The following CUL9 variants were observed in gnomAD, a reference collection of about 807,000 sequenced individuals.
CUL9 encodes the protein cullin-9.
In CUL9, 79 loss-of-function variants were observed where a neutral mutation model predicts 272.6. The ratio of observed to expected loss-of-function variants is 0.29; its 90% CI spans 0.24 to 0.35. The LOEUF (loss-of-function observed/expected upper bound fraction) is 0.35. CUL9 is among the 10% of genes least tolerant of loss of function. The probability of loss-of-function intolerance (pLI) is 1.00; values close to 1 mark genes in which losing one functional copy is unlikely to be tolerated. For synonymous variants in CUL9, 1,186 were observed against 1,286.5 expected (o/e 0.92, Z 1.67); for missense variants, 2,532 against 3,255.6 (o/e 0.78, Z 5.41).
chr6:43,196,377 G>C (rs776561401), intron 10 of CUL9, 112 bp downstream of exon 10: 12 of 1,104,542 alleles, frequency 1.1e-5, no homozygotes, highest in Admixed American at 2.5e-5. Flanking sequence ...GTCACCTCCG[G>C]ATTAAGCATT....
intron 26 of CUL9, among the ~76,000 whole-genome samples, chr6:43,208,745 A>G (rs1775232404): frequency 6.6e-6 from 1 of 152,034 alleles, no homozygotes; most frequent in African/African-American, 2.4e-5. Flanking sequence ...GCATGGAGAG[A>G]AGTTCTTAAT....
chr6:43,221,542 C>A lies in CUL9; in HGVS notation c.6753-143C>A. 3.4e-6 allele frequency: 3 copies of A among 883,486 alleles called. No homozygotes were observed. Among genetic ancestry groups the A allele is most frequent in the Non-Finnish European group, 5.2e-6 (3 of 581,392 alleles). 54.7% of individuals were successfully genotyped at this position (883,486 alleles called of 1,614,324 possible). A position where few individuals can be genotyped will look rare whatever the true frequency, so the allele number is the denominator to read the frequency against. ...GGGAGTTCAAAAGCAGAGGTGCATT[C>A]AGCAGGGCTGGGTATGACTAAGGAG... On this transcript the variant is annotated intron_variant, in intron 34 of 40. Coordinates refer to ENST00000252050, the MANE Select transcript of CUL9 (RefSeq NM_015089.4). The surrounding 1 kb of genome is among the most constrained non-coding windows in gnomAD (Gnocchi z 4.2).
chr6:43,191,481 ATTTTTTTTT>A (rs34090146), intron 8 of CUL9, among the ~76,000 whole-genome samples: 3 of 97,454 alleles, frequency 3.1e-5, no homozygotes, highest in African/African-American at 1.5e-4. Flanking sequence ...CACCCAGCTA[ATTTTTTTTT>A]TTTTTTTTTT....
At position 43,203,573 on chromosome 6, in the gene CUL9, C is replaced by T. The variant is rs1159816753; in HGVS notation, c.4006C>T (p.Leu1336Phe). 1 of 1,613,312 alleles carries T rather than the reference C, an allele frequency of 6.2e-7. No homozygotes were observed. Among genetic ancestry groups the T allele is most frequent in the Non-Finnish European group, 8.5e-7 (1 of 1,179,990 alleles). ...GGACATAGCAGAGGACCACCGGCGC[C>T]TCCTCCAGCTCTGTCCCAGGTGGGT... ...SRDIAEDHRR[L>F]LQLCPRLNRV... The change falls in exon 19 of 41, where the codon CTC becomes TTC. Residue 1336 changes from leucine to phenylalanine, a missense_variant. By Grantham distance (22) the Leu-to-Phe change is conservative (BLOSUM62 0). Transcript: ENST00000252050. This position sits in a 1 kb window ranked among gnomAD's most constrained non-coding sequence, Gnocchi z 5.0.
chr6:43,205,957 G>A (rs757845011), intron 24 of CUL9, 50 bp from the exon 25 acceptor site: 1 of 1,556,812 alleles, frequency 6.4e-7, no homozygotes, highest in Non-Finnish European at 8.8e-7. Flanking sequence ...GGGAGGCTGG[G>A]CCACGCTGGC....
Position 43,185,493 on chromosome 6 carries a change from A to G in CUL9, c.633A>G (p.Gln211=), listed in dbSNP as rs372176723. 1.2e-6 allele frequency: 2 copies of G among 1,614,024 alleles called. No homozygotes were observed. Among genetic ancestry groups the G allele is most frequent in the African/African-American group, 1.3e-5 (1 of 75,042 alleles). The change falls in exon 3 of 41, where the codon CAA becomes CAG. Residue 211 remains glutamine (Q), a synonymous_variant. Coordinates refer to ENST00000252050, the MANE Select transcript of CUL9 (RefSeq NM_015089.4). ...RAHVLLSLSQ[Q]DGIEQHMDFD... ...ACGTCCTTCTATCACTGAGCCAGCA[A>G]GATGGCATCGAGCAGCACATGGATT...
In CUL9 at chr6:43,205,079, C is replaced by T. The variant is rs773622134; in HGVS notation, c.4596C>T (p.Gly1532=). The T allele has an allele frequency of 4.8e-5, 77 of 1,602,494 alleles. 1 individual carries two copies. The South Asian group carries it at 6.3e-4, about 13-fold the overall frequency. ...FMLALRSGFS[G]ALLQQSFLTA... ...TGGCTCTGCGCAGTGGCTTCTCTGG[C>T]GCCTTGCTGCAGCAGTCCTTCCTCA... The change falls in exon 23 of 41, where the codon GGC becomes GGT. Residue 1532 remains glycine, a synonymous_variant. Coordinates refer to ENST00000252050, the MANE Select transcript of CUL9 (RefSeq NM_015089.4).
rs1302883534 is a variant in CUL9, at chr6:43,185,500, A to G, written c.640A>G (p.Ile214Val). 4 of 1,613,936 alleles carry G rather than the reference A, an allele frequency of 2.5e-6. No individual in the cohort carries two copies. In the Admixed American group the frequency reaches 5.0e-5, roughly 20 times the overall value. Residue 214 changes from isoleucine to valine, a missense_variant, in exon 3 of 41, where the codon ATC becomes GTC. Physicochemically the swap from Ile to Val is conservative, Grantham distance 29 (BLOSUM62 3). Around this residue, in one of 3 missense-constraint regions of CUL9, gnomAD observed 2,218 missense variants for 2,788.6 expected, o/e 0.80. Transcript: ENST00000252050. Reference protein sequence around the residue: ...VLLSLSQQDGIEQHMDFDSRY... With the variant: ...VLLSLSQQDGVEQHMDFDSRY... Reference sequence around the variant, plus strand: ...TCTATCACTGAGCCAGCAAGATGGCATCGAGCAGCACATGGATTTTGACAG... The same window carrying G: ...TCTATCACTGAGCCAGCAAGATGGCGTCGAGCAGCACATGGATTTTGACAG...
intron 9 of CUL9, among the ~76,000 whole-genome samples, chr6:43,193,542 T>G (rs1773715160): frequency 6.6e-6 from 1 of 151,740 alleles, no homozygotes; most frequent in Non-Finnish European, 1.5e-5. Flanking sequence ...CCAGGAGGTT[T>G]TTTGTTTGTT....
At chr6:43,212,908 C>A in intron 26 of CUL9, 1 of 465,288 alleles carries the variant, frequency 2.1e-6, no homozygotes, top group Non-Finnish European at 3.8e-6. Context: ...TGCATGGAAC[C>A]TGCCTGGCTC....
In CUL9 at chr6:43,206,769, CA is replaced by C. The variant is rs1210269725; in HGVS notation, c.5212+262del. ...TTTTTAGTCTTTTCAGACTTTTTTC[CA>C]AATAAAAGTGTTTAAGACTATTCAT... On this transcript the variant is annotated intron_variant, in intron 26 of 40. Coordinates refer to ENST00000252050, the MANE Select transcript of CUL9 (RefSeq NM_015089.4). This position sits in a 1 kb window ranked among gnomAD's most constrained non-coding sequence, Gnocchi z 4.8. Among the ~76,000 whole-genome samples the C allele has an allele frequency of 5.3e-5, 8 of 152,058 alleles. No individual in the cohort carries two copies. Among genetic ancestry groups the C allele is most frequent in the Admixed American group, 5.2e-4 (8 of 15,258 alleles).
At chr6:43,202,649 G>A in intron 16 of CUL9, 67 bp from the exon 17 acceptor site, 1 of 1,388,220 alleles carries the variant, frequency 7.2e-7, no homozygotes, top group South Asian at 1.2e-5. Flanking sequence ...CCAAAGTGTT[G>A]GGATTACAGA....
rs969683633 is a variant in CUL9, at chr6:43,223,124, T to C, written c.7151-140T>C. On this transcript the variant is annotated intron_variant, in intron 38 of 40. Coordinates refer to ENST00000252050, the MANE Select transcript of CUL9 (RefSeq NM_015089.4). The surrounding 1 kb of genome is among the most constrained non-coding windows in gnomAD (Gnocchi z 4.1). ...TGGATGTTTCTTGGTTTCTGGTCTT[T>C]ACCCTGCTCCCCTAGGGAGCTTCAT... The C allele has an allele frequency of 7.9e-7, 1 of 1,265,464 alleles. No homozygotes were observed. The highest frequency in any genetic ancestry group is 1.1e-6 in the Non-Finnish European group (1 of 927,458). The allele number at this position is 1,265,464 out of a possible 1,614,324, so 78.4% of individuals were successfully genotyped here.
intron 9 of CUL9, among the ~76,000 whole-genome samples, chr6:43,194,986 G>A (rs1187177503): frequency 2.6e-5 from 4 of 152,074 alleles, no homozygotes; most frequent in African/African-American, 4.8e-5. Context: ...ACCCAGGAGC[G>A]GGAGGTTGCT....
chr6:43,196,502 A>G (rs2150558460), intron 10 of CUL9, 143 bp from the exon 11 acceptor site: 5 of 870,868 alleles, frequency 5.7e-6, no homozygotes, highest in Non-Finnish European at 9.5e-6. Context: ...GGAGTGGCCC[A>G]AGGTCAGGGG....
At chr6:43,185,265 T>A (rs554903503) in intron 2 of CUL9, among the ~76,000 whole-genome samples, 191 bp from the exon 3 acceptor site, 6 of 152,216 alleles carry the variant, frequency 3.9e-5, no homozygotes, top group Non-Finnish European at 8.8e-5. Flanking sequence ...GGGGTAAATT[T>A]TGTAGCATAA....
intron 37 of CUL9, 60 bp downstream of exon 37, chr6:43,222,701 TGGC>T: frequency 6.2e-7 from 1 of 1,605,086 alleles, no homozygotes; most frequent in Non-Finnish European, 8.5e-7. Flanking sequence ...CTGGGGGGCT[TGGC>T]TGCTTTCATC....
rs755852479 is a variant in CUL9 at position 43,205,310 on chromosome 6, C to T, written c.4680C>T (p.Gly1560=). The stretch of plus-strand genomic sequence containing the variant: ...ACATTGACCAACAGATCCAGGGTGG[C>T]CTGATTGGTGGAGCCCCTGGAGTGG... ...ARYIDQQIQG[G]LIGGAPGVEM... The change falls in exon 24 of 41, where the codon GGC becomes GGT. Residue 1560 remains glycine, a synonymous_variant. Transcript: ENST00000252050. 1 of 1,614,190 alleles carries T rather than the reference C, an allele frequency of 6.2e-7. No homozygotes were observed. The highest frequency in any genetic ancestry group is 8.5e-7 in the Non-Finnish European group (1 of 1,180,028).
chr6:43,189,293 G>T (rs1773213768), intron 8 of CUL9, among the ~76,000 whole-genome samples: 1 of 151,324 alleles, frequency 6.6e-6, no homozygotes, highest in Admixed American at 6.6e-5. Flanking sequence ...GGGTTCAAGG[G>T]ATTCTCCCGC....
Sources: gnomAD v4.1 joint callset for allele counts (sites outside exome capture counted in the v4.1 genomes callset) on GRCh38, gnomAD v4.1.1 for gene constraint, gnomAD v4.1.1 regional missense constraint, Gnocchi (gnomAD v3.1) non-coding constraint, MANE v1.5 for transcripts, NCBI Gene and HGNC (gene_info 2026-07-23, HGNC 2026-07-21) for gene names.